Variants in COL8A1 observed in about 807,000 individuals in gnomAD.
COL8A1 encodes the protein collagen alpha-1(VIII) chain.
A neutral mutation model predicts 42.7 loss-of-function variants in COL8A1; 21 were observed. The observed-to-expected ratio is 0.49, with a 90% CI of 0.35 to 0.71. The LOEUF (loss-of-function observed/expected upper bound fraction) is 0.71, where lower values mean the gene tolerates loss of function less well. COL8A1 is among the 30% of genes least tolerant of loss of function. The pLI, the probability that COL8A1 is intolerant of heterozygous loss-of-function variation, is 0.01. For synonymous variants in COL8A1, 367 were observed against 369.1 expected (o/e 0.99, Z 0.06); for missense variants, 788 against 962.4 (o/e 0.82, Z 2.40).
chr3:99,743,574 C>A (rs1282230749), intron 1 of COL8A1, among the ~76,000 whole-genome samples: 6 of 152,074 alleles, frequency 3.9e-5, no homozygotes, highest in Non-Finnish European at 8.8e-5. Context: ...ACTACACTCT[C>A]TAATATTAGA....
intron 2 of COL8A1, among the ~76,000 whole-genome samples, chr3:99,763,184 G>A (rs1294528534): frequency 6.6e-6 from 1 of 152,142 alleles, no homozygotes; most frequent in East Asian, 1.9e-4. Flanking sequence ...AAGAAACAGA[G>A]CCTGTTATAT....
intron 1 of COL8A1, among the ~76,000 whole-genome samples, chr3:99,669,146 T>TATATAGAGAGAGAG: frequency 8.7e-6 from 1 of 115,364 alleles, no homozygotes; most frequent in Non-Finnish European, 1.8e-5. Flanking sequence ...TATATATATA[T>TATATAGAGAGAGAG]AGAGGGAGAG....
chr3:99,756,893 A>T (rs1941264536), intron 2 of COL8A1, among the ~76,000 whole-genome samples: 1 of 152,262 alleles, frequency 6.6e-6, no homozygotes, highest in Admixed American at 6.5e-5. Flanking sequence ...CTGAAGGATC[A>T]CTAAATTCCA....
chr3:99,798,278 C>G lies in COL8A1; in HGVS notation c.*2142C>G, dbSNP rs544454604. 6.6e-6 allele frequency: 1 copy of G among 152,236 alleles called. No individual in the cohort carries two copies. Among genetic ancestry groups the G allele is most frequent in the Admixed American group, 6.5e-5 (1 of 15,298 alleles). 9.4% of individuals were successfully genotyped at this position (152,236 alleles called of 1,614,324 possible). A position where few individuals can be genotyped will look rare whatever the true frequency, so the allele number is the denominator to read the frequency against. ...TAATTATACAACAATCTTTTCCCAA[C>G]AAAAAGATGTCCTCCACAACCTTTG... is the stretch of plus-strand genomic sequence containing the variant. On this transcript the variant is annotated 3_prime_UTR_variant, in exon 4 of 4. Coordinates refer to ENST00000652472, the MANE Select transcript of COL8A1 (RefSeq NM_020351.4).
At chr3:99,706,000 G>A (rs1939671756) in intron 1 of COL8A1, among the ~76,000 whole-genome samples, 1 of 151,818 alleles carries the variant, frequency 6.6e-6, no homozygotes. Context: ...GGTATTTTTA[G>A]AAAAAGATCC....
At chr3:99,773,841 T>TATATATATATA (rs1381763910) in intron 2 of COL8A1, among the ~76,000 whole-genome samples, 6 of 85,632 alleles carry the variant, frequency 7.0e-5, no homozygotes, top group South Asian at 4.3e-4. Context: ...ATATATATTT[T>TATATATATATA]TTTTTTTTTT....
intron 2 of COL8A1, among the ~76,000 whole-genome samples, chr3:99,783,411 G>A (rs1178008439): frequency 6.6e-6 from 1 of 152,162 alleles, no homozygotes; most frequent in African/African-American, 2.4e-5. Flanking sequence ...ATATAATTTA[G>A]GCTGTTTTAC....
intron 1 of COL8A1, among the ~76,000 whole-genome samples, chr3:99,659,501 T>A (rs2107299361): frequency 6.6e-6 from 1 of 152,326 alleles, no homozygotes; most frequent in Middle Eastern, 3.4e-3. Context: ...AATACTCCTC[T>A]GAGGAAAACA....
chr3:99,642,486 A>C (rs547472826), intron 1 of COL8A1, among the ~76,000 whole-genome samples: 1 of 152,226 alleles, frequency 6.6e-6, no homozygotes, highest in East Asian at 1.9e-4. Flanking sequence ...TAACTTCTCA[A>C]TGTAGGATAA....
chr3:99,691,497 C>T (rs1290058103), intron 1 of COL8A1: 1 of 152,050 alleles, frequency 6.6e-6, no homozygotes, highest in African/African-American at 2.4e-5. Flanking sequence ...TCAGCATCAC[C>T]TGGGATCTTC....
chr3:99,664,211 A>G (rs1436489333), intron 1 of COL8A1, among the ~76,000 whole-genome samples: 2 of 152,236 alleles, frequency 1.3e-5, no homozygotes, highest in African/African-American at 2.4e-5. Flanking sequence ...TCTCAAGAGC[A>G]GGGACTTTGT....
chr3:99,721,424 AAAGGGAAAGGGG>A (rs1456035468), intron 1 of COL8A1, among the ~76,000 whole-genome samples: 74 of 103,222 alleles, frequency 7.2e-4, no homozygotes, highest in East Asian at 3.6e-3. Flanking sequence ...GGGGAAAGGG[AAAGGGAAAGGGG>A]AAGGGGAAGG....
intron 1 of COL8A1, among the ~76,000 whole-genome samples, chr3:99,651,030 C>T (rs1467868518): frequency 1.3e-5 from 2 of 152,134 alleles, no homozygotes; most frequent in Non-Finnish European, 2.9e-5. Flanking sequence ...AAGTCTTCTT[C>T]CCTATATCTG....
chr3:99,644,698 C>T (rs1937611921), intron 1 of COL8A1, among the ~76,000 whole-genome samples: 1 of 152,244 alleles, frequency 6.6e-6, no homozygotes, highest in Admixed American at 6.5e-5. Flanking sequence ...CCCTCTTAAG[C>T]TTCCAATTGA....
chr3:99,669,845 C>A (rs1400299608), intron 1 of COL8A1, among the ~76,000 whole-genome samples: 1 of 151,872 alleles, frequency 6.6e-6, no homozygotes, highest in African/African-American at 2.4e-5. Flanking sequence ...TGGTGTGATC[C>A]CTGCTCTTTG....
intron 1 of COL8A1, among the ~76,000 whole-genome samples, chr3:99,657,718 G>C (rs1183211337): frequency 2.0e-5 from 3 of 151,992 alleles, no homozygotes; most frequent in Non-Finnish European, 4.4e-5. Context: ...TCTTCTCTAA[G>C]TGCCCCTCAT....
At chr3:99,696,089 G>A (rs192759432) in intron 1 of COL8A1, among the ~76,000 whole-genome samples, 82 of 152,278 alleles carry the variant, frequency 5.4e-4, no homozygotes, top group African/African-American at 1.9e-3. Context: ...AGCCAAGATT[G>A]CACCACTGCA....
chr3:99,683,294 G>A (rs1420380024), intron 1 of COL8A1, among the ~76,000 whole-genome samples: 1 of 152,016 alleles, frequency 6.6e-6, no homozygotes, highest in African/African-American at 2.4e-5. Flanking sequence ...CCAGGGCTTG[G>A]CACATAATAG....
chr3:99,647,212 T>A (rs1184805088), intron 1 of COL8A1, among the ~76,000 whole-genome samples: 1 of 152,176 alleles, frequency 6.6e-6, no homozygotes, highest in East Asian at 1.9e-4. Flanking sequence ...CCTGAGCGCA[T>A]CTCCTGGGAC....
Sources: allele counts gnomAD v4.1 joint callset (sites outside exome capture counted in the v4.1 genomes callset), GRCh38; gene constraint gnomAD v4.1.1; transcripts MANE v1.5; gene names NCBI Gene and HGNC (gene_info 2026-07-23, HGNC 2026-07-21).